Variants in SNTG1 observed in about 807,000 individuals in gnomAD.
SNTG1 encodes syntrophin gamma 1.
Under a neutral mutation model 74.7 loss-of-function variants are expected in SNTG1, and 39 were observed. That is an observed-to-expected ratio of 0.52 (90% CI 0.40 to 0.68). SNTG1 has a LOEUF of 0.68. Ranked by LOEUF, SNTG1 falls within the 30% of genes least tolerant of loss-of-function variation. The pLI is 0.00. For synonymous variants in SNTG1, 254 were observed against 217.1 expected, an observed-to-expected ratio of 1.17 and a Z score of -1.49; for missense variants, 685 against 609.5, an observed-to-expected ratio of 1.12 and a Z score of -1.30.
At chr8:50,460,212 A>G (rs1341079396) in intron 8 of SNTG1, among the ~76,000 whole-genome samples, 1 of 152,118 alleles carries the variant, frequency 6.6e-6, no homozygotes, top group African/African-American at 2.4e-5. Context: ...TGTGATTTTA[A>G]TTTACATTTC....
intron 9 of SNTG1, among the ~76,000 whole-genome samples, chr8:50,523,260 T>C (rs898487248): frequency 2.0e-5 from 3 of 152,308 alleles, no homozygotes; most frequent in East Asian, 3.9e-4. Flanking sequence ...GTAAGAAGAT[T>C]GTTTTGCTTC....
At chr8:50,792,437 A>G (rs1275016163) in intron 18 of SNTG1, among the ~76,000 whole-genome samples, 1 of 151,938 alleles carries the variant, frequency 6.6e-6, no homozygotes, top group Non-Finnish European at 1.5e-5. Flanking sequence ...ACATTCATAG[A>G]TGGTAAGAGT....
chr8:50,297,193 T>C (rs2089425451), intron 2 of SNTG1, among the ~76,000 whole-genome samples: 1 of 152,218 alleles, frequency 6.6e-6, no homozygotes, highest in Non-Finnish European at 1.5e-5. Context: ...CTGCAGAAGA[T>C]ACGTTTTACA....
chr8:50,474,907 A>G (rs2093683818), intron 8 of SNTG1, among the ~76,000 whole-genome samples: 1 of 152,056 alleles, frequency 6.6e-6, no homozygotes, highest in South Asian at 2.1e-4. Context: ...ATAAAAAATG[A>G]TGAGTCCATG....
chr8:50,266,684 G>GTGTGTATATA (rs371676511), intron 2 of SNTG1, among the ~76,000 whole-genome samples: 6 of 136,806 alleles, frequency 4.4e-5, no homozygotes, highest in Admixed American at 2.2e-4. Context: ...GTGTGTGTGT[G>GTGTGTATATA]TATATATATA....
intron 1 of SNTG1, among the ~76,000 whole-genome samples, chr8:50,106,700 T>A (rs756532853): frequency 4.6e-5 from 7 of 152,214 alleles, no homozygotes; most frequent in African/African-American, 1.7e-4. Context: ...CTTTATGTGA[T>A]ATGAATGCAG....
chr8:50,270,036 A>G (rs951321271), intron 2 of SNTG1, among the ~76,000 whole-genome samples: 2 of 152,084 alleles, frequency 1.3e-5, no homozygotes, highest in Non-Finnish European at 2.9e-5. Flanking sequence ...TTTTAAAAAG[A>G]TTTTTCCAAG....
At chr8:50,693,256 C>A (rs1220935873) in intron 15 of SNTG1, among the ~76,000 whole-genome samples, 1 of 152,162 alleles carries the variant, frequency 6.6e-6, no homozygotes, top group Admixed American at 6.5e-5. Context: ...AGGGCACCCA[C>A]TGTCCTGCAC....
chr8:50,337,469 CT>C (rs2091179282), intron 2 of SNTG1, among the ~76,000 whole-genome samples: 1 of 152,228 alleles, frequency 6.6e-6, no homozygotes, highest in Non-Finnish European at 1.5e-5. Context: ...AGAAAAATTT[CT>C]ACCCGTTTCC....
chr8:49,952,244 T>C (rs1318162474), intron 1 of SNTG1, among the ~76,000 whole-genome samples: 1 of 152,126 alleles, frequency 6.6e-6, no homozygotes, highest in African/African-American at 2.4e-5. Context: ...TCAGAGAGCA[T>C]CTGAGGAAAG....
chr8:50,397,951 AATT>A lies in SNTG1; in HGVS notation c.27+3694_27+3696del, dbSNP rs560128985. 4.6e-5 allele frequency among the ~76,000 whole-genome samples: 7 copies of A among 152,334 alleles called. No individual in the cohort carries two copies. In the South Asian group the frequency reaches 1.0e-3, roughly 23 times the overall value. ...GTCACACAGTGAGCACTATATAAAT[AATT>A]ATTATTAAACAACAAATAAATGAAA... On this transcript the variant is annotated intron_variant, in intron 3 of 18. Coordinates refer to ENST00000642720, the MANE Select transcript of SNTG1 (RefSeq NM_018967.5).
chr8:50,141,948 C>CT (rs2081672718), intron 1 of SNTG1, among the ~76,000 whole-genome samples: 2 of 152,028 alleles, frequency 1.3e-5, no homozygotes, highest in Non-Finnish European at 2.9e-5. Flanking sequence ...TGGCATATAA[C>CT]TATTACACAC....
intron 10 of SNTG1, among the ~76,000 whole-genome samples, 196 bp downstream of exon 10, chr8:50,530,455 G>T (rs2094257752): frequency 6.6e-6 from 1 of 152,066 alleles, no homozygotes; most frequent in African/African-American, 2.4e-5. Flanking sequence ...AGTCTGTATG[G>T]ATTAAGTTCT....
intron 8 of SNTG1, among the ~76,000 whole-genome samples, chr8:50,451,251 A>G (rs1371773761): frequency 6.6e-6 from 1 of 152,246 alleles, no homozygotes; most frequent in Non-Finnish European, 1.5e-5. Flanking sequence ...ATTATATTAG[A>G]TATTGCAAGT....
chr8:49,973,446 T>C (rs1281926900), intron 1 of SNTG1, among the ~76,000 whole-genome samples: 2 of 151,494 alleles, frequency 1.3e-5, no homozygotes, highest in African/African-American at 4.9e-5. Flanking sequence ...CACACCAACA[T>C]GGCACATGTA....
intron 4 of SNTG1, among the ~76,000 whole-genome samples, chr8:50,425,771 A>T (rs1234802825): frequency 6.6e-6 from 1 of 152,154 alleles, no homozygotes; most frequent in Non-Finnish European, 1.5e-5. Context: ...AAGAAAGGTC[A>T]ATCTGATATT....
intron 12 of SNTG1, among the ~76,000 whole-genome samples, chr8:50,584,292 G>C (rs1040980242): frequency 2.0e-5 from 3 of 150,530 alleles, no homozygotes; most frequent in Non-Finnish European, 4.4e-5. Context: ...GTAATGGGAT[G>C]GCTGGGTCAA....
chr8:50,237,907 G>A (rs1418015592), intron 2 of SNTG1, among the ~76,000 whole-genome samples: 1 of 151,994 alleles, frequency 6.6e-6, no homozygotes, highest in East Asian at 1.9e-4. Flanking sequence ...TGGGCACTCT[G>A]GCTACTCATT....
At chr8:50,271,823 G>A (rs1470288620) in intron 2 of SNTG1, among the ~76,000 whole-genome samples, 5 of 152,178 alleles carry the variant, frequency 3.3e-5, no homozygotes, top group African/African-American at 4.8e-5. Flanking sequence ...GAATGCCTGT[G>A]TTCCCATGAA....
Sources: gnomAD v4.1 joint callset for allele counts (sites outside exome capture counted in the v4.1 genomes callset) on GRCh38, gnomAD v4.1.1 for gene constraint, MANE v1.5 for transcripts, NCBI Gene and HGNC (gene_info 2026-07-23, HGNC 2026-07-21) for gene names.